The following BTBD8 variants were observed in gnomAD, a reference collection of about 807,000 sequenced individuals.
BTBD8 encodes BTB domain containing 8, also known as BTB/POZ domain-containing protein 8.
In BTBD8, 110 loss-of-function variants were observed where a neutral mutation model predicts 162.9. The ratio of observed to expected loss-of-function variants is 0.68; its 90% CI spans 0.58 to 0.79. BTBD8 has a LOEUF of 0.79. Among genes scored for constraint, BTBD8 ranks in the 30% least tolerant of loss-of-function variants. The pLI, the probability that BTBD8 is intolerant of heterozygous loss-of-function variation, is 0.00. For synonymous variants in BTBD8, 667 were observed against 716.1 expected (o/e 0.93, Z 1.10); for missense variants, 1,905 against 2,085.4 (o/e 0.91, Z 1.68).
chr1:92,100,672 T>C (rs1312350727), intron 2 of BTBD8, among the ~76,000 whole-genome samples: 3 of 152,166 alleles, frequency 2.0e-5, no homozygotes, highest in Non-Finnish European at 4.4e-5. Context: ...TACAGTGGCA[T>C]GATCTCGGCT....
rs768033821 is a variant in BTBD8 at position 92,167,029 on chromosome 1, GACGGAAGCAGC to G, written c.1197_1207del (p.Glu400AspfsTer25). ...TCATCAGTTTACCCAGAGTGAAGTGGACGGAAGCAGCACTGACCATGGCGTCTCAGCTTCAA... is the reference window on the plus strand; with the variant it reads ...TCATCAGTTTACCCAGAGTGAAGTGGACTGACCATGGCGTCTCAGCTTCAA... On this transcript the variant is annotated frameshift_variant, in exon 10 of 18. Transcript: ENST00000636805. LOFTEE classifies it high-confidence loss of function. 5.2e-6 allele frequency: 8 copies of G among 1,550,800 alleles called. No individual in the cohort carries two copies. In the South Asian group the frequency reaches 9.5e-5, roughly 18 times the overall value.
At position 92,141,431 on chromosome 1, in the gene BTBD8, G is replaced by C. The variant is rs186989493; in HGVS notation, c.930+220G>C. On this transcript the variant is annotated intron_variant, in intron 7 of 17. Coordinates refer to ENST00000636805, the MANE Select transcript of BTBD8 (RefSeq NM_001376131.1). ...GTAAAACAAAATTGATGGGAGGGTA[G>C]GTATTGAGTAGGAGTATCCTGTATA... Among the ~76,000 whole-genome samples, 348 of 152,286 alleles carry C rather than the reference G, an allele frequency of 2.3e-3. 2 individuals are homozygous for C. Among genetic ancestry groups the C allele is most frequent in the Middle Eastern group, 6.8e-3 (2 of 294 alleles).
At position 92,180,505 on chromosome 1, in the gene BTBD8, T is replaced by G. The variant is rs1650851605; in HGVS notation, c.2822T>G (p.Met941Arg). The change falls in exon 17 of 18, where the codon ATG becomes AGG. Residue 941 changes from methionine to arginine, a missense_variant. This residue lies in a region of BTBD8 where 1,374 missense variants were observed against 1,442.7 expected (regional missense o/e 0.95). Coordinates refer to ENST00000636805, the MANE Select transcript of BTBD8 (RefSeq NM_001376131.1). ...AATAATAAAGATTCAAAACAGAAAA[T>G]GCCTCCTGGACAGGTTATATCAAAA... Reference protein sequence around the residue: ...TLNNKDSKQKMPPGQVISKTQ... With the variant: ...TLNNKDSKQKRPPGQVISKTQ... 1.9e-6 allele frequency: 3 copies of G among 1,550,596 alleles called. No individual in the cohort carries two copies. The highest frequency in any genetic ancestry group is 2.6e-6 in the Non-Finnish European group (3 of 1,146,730).
chr1:92,128,443 T>C (rs893833292), intron 4 of BTBD8, among the ~76,000 whole-genome samples: 3 of 152,080 alleles, frequency 2.0e-5, no homozygotes, highest in African/African-American at 7.2e-5. Context: ...CACGCCCGGC[T>C]AATTTTTTGT....
At chr1:92,089,482 T>G (rs1189741268) in intron 2 of BTBD8, among the ~76,000 whole-genome samples, 1 of 152,188 alleles carries the variant, frequency 6.6e-6, no homozygotes, top group Non-Finnish European at 1.5e-5. Context: ...CTTAGTCCAT[T>G]TGGGCTGCTA....
At chr1:92,157,732 T>C (rs1246304332) in intron 9 of BTBD8, among the ~76,000 whole-genome samples, 1 of 151,756 alleles carries the variant, frequency 6.6e-6, no homozygotes, top group Non-Finnish European at 1.5e-5. Context: ...TCCTGGCCAC[T>C]CTTTTCCCAA....
At chr1:92,090,103 G>T (rs978245034) in intron 2 of BTBD8, among the ~76,000 whole-genome samples, 1 of 151,940 alleles carries the variant, frequency 6.6e-6, no homozygotes, top group Non-Finnish European at 1.5e-5. Context: ...GCTATAATAC[G>T]TATATACAAA....
intron 2 of BTBD8, among the ~76,000 whole-genome samples, chr1:92,093,809 T>C (rs1332757129): frequency 1.3e-5 from 2 of 152,190 alleles, no homozygotes; most frequent in African/African-American, 2.4e-5. Flanking sequence ...CTTGCTTTAT[T>C]ATCTCATGAT....
intron 4 of BTBD8, chr1:92,115,598 G>A (rs137859429): frequency 8.2e-5 from 32 of 389,106 alleles, no homozygotes; most frequent in Middle Eastern, 1.0e-3. Context: ...GATTTCCATT[G>A]ATGTCAAGCT....
chr1:92,128,436 G>A (rs535726675), intron 4 of BTBD8, among the ~76,000 whole-genome samples: 108 of 152,132 alleles, frequency 7.1e-4, no homozygotes, highest in African/African-American at 2.4e-3. Flanking sequence ...CTGTCACCAC[G>A]CCCGGCTAAT....
rs753143083 is a variant in BTBD8 at position 92,107,917 on chromosome 1, GAGA to G, written c.582_584del (p.Glu194del). On this transcript the variant is annotated inframe_deletion, in exon 4 of 18. Coordinates refer to ENST00000636805, the MANE Select transcript of BTBD8 (RefSeq NM_001376131.1). ...GACTTGGAGCCTGCATCTGAATTAG[GAGA>G]AGATTTATTGAAGCTTTATGTGAAA... The G allele has an allele frequency of 8.1e-6, 13 of 1,613,816 alleles. No individual in the cohort carries two copies. In the East Asian group the frequency reaches 2.2e-4, roughly 28 times the overall value.
chr1:92,129,703 A>C lies in BTBD8; in HGVS notation c.679A>C (p.Arg227=). ...TCCCTTTAGGGCCATTTTGAGTGCCAGATCTAGTTATTTTGCTGCAATGCT... is the reference window on the plus strand; with the variant it reads ...TCCCTTTAGGGCCATTTTGAGTGCCCGATCTAGTTATTTTGCTGCAATGCT... ...FKAHRAILSA[R]SSYFAAMLSG... Residue 227 remains arginine, a synonymous_variant, in exon 5 of 18, where the codon AGA becomes CGA. Coordinates refer to ENST00000636805, the MANE Select transcript of BTBD8 (RefSeq NM_001376131.1). 1 of 1,614,074 alleles carries C rather than the reference A, an allele frequency of 6.2e-7. No individual in the cohort carries two copies. The highest frequency in any genetic ancestry group is 1.1e-5 in the South Asian group (1 of 91,066).
intron 8 of BTBD8, 23 bp downstream of exon 8, chr1:92,147,291 G>A: frequency 7.8e-6 from 12 of 1,548,190 alleles, no homozygotes; most frequent in Non-Finnish European, 1.1e-5. Context: ...AAGTAGTGCT[G>A]ATACTATTAA....
chr1:92,094,305 G>A (rs1483587309), intron 2 of BTBD8, among the ~76,000 whole-genome samples: 1 of 152,180 alleles, frequency 6.6e-6, no homozygotes, highest in Non-Finnish European at 1.5e-5. Context: ...CATATAGAAA[G>A]CACTTGTGAC....
At chr1:92,122,571 T>C (rs1649243802) in intron 4 of BTBD8, among the ~76,000 whole-genome samples, 1 of 151,488 alleles carries the variant, frequency 6.6e-6, no homozygotes, top group Non-Finnish European at 1.5e-5. Flanking sequence ...TTGTTTGTTT[T>C]GTTCTTTTTT....
intron 13 of BTBD8, 21 bp from the exon 14 acceptor site, chr1:92,176,808 T>TG: frequency 8.7e-7 from 1 of 1,147,666 alleles, no homozygotes; most frequent in Non-Finnish European, 1.2e-6. Flanking sequence ...AATTACAAAG[T>TG]ATTTTTTTTC....
intron 5 of BTBD8, among the ~76,000 whole-genome samples, chr1:92,138,416 G>C (rs1298055013): frequency 6.6e-6 from 1 of 152,184 alleles, no homozygotes; most frequent in African/African-American, 2.4e-5. Context: ...TTAGATTTCC[G>C]ATTTTCAGAT....
intron 1 of BTBD8, among the ~76,000 whole-genome samples, chr1:92,081,985 T>A (rs928292264): frequency 1.3e-5 from 2 of 152,196 alleles, no homozygotes; most frequent in African/African-American, 4.8e-5. Context: ...AATTTGGGAC[T>A]ATCTACTGGG....
At chr1:92,147,609 T>C (rs1570744899) in intron 8 of BTBD8, 75 bp from the exon 9 acceptor site, 2 of 1,270,682 alleles carry the variant, frequency 1.6e-6, no homozygotes, top group Middle Eastern at 2.1e-4. Context: ...GTTATGTAAT[T>C]GAAAACCAAA....
Sources: gnomAD v4.1 joint callset for allele counts (sites outside exome capture counted in the v4.1 genomes callset) on GRCh38, gnomAD v4.1.1 for gene constraint, gnomAD v4.1.1 regional missense constraint, MANE v1.5 for transcripts, NCBI Gene and HGNC (gene_info 2026-07-23, HGNC 2026-07-21) for gene names.